The following AFG3L2 variants were observed in gnomAD, a reference collection of about 807,000 sequenced individuals.
AFG3L2 encodes mitochondrial inner membrane m-AAA protease component AFG3L2.
A neutral mutation model predicts 94.5 loss-of-function variants in AFG3L2; 54 were observed. That is an observed-to-expected ratio of 0.57 (90% confidence interval 0.46 to 0.72). AFG3L2 has a LOEUF of 0.72. Among genes scored for constraint, AFG3L2 ranks in the 30% least tolerant of loss-of-function variants. The pLI is 0.00. For synonymous variants in AFG3L2, 377 were observed against 365.5 expected (o/e 1.03, Z -0.36); for missense variants, 754 against 994.9 (o/e 0.76, Z 3.26).
At position 12,371,645 on chromosome 18, in the gene AFG3L2, A is replaced by C. The variant is rs2143234608; in HGVS notation, c.161T>G (p.Leu54Arg). 1.2e-6 allele frequency: 2 copies of C among 1,614,146 alleles called. No homozygotes were observed. The highest frequency in any genetic ancestry group is 1.7e-6 in the Non-Finnish European group (2 of 1,180,030). ...ATAAGCAGCAATTATATCTGTCAAA[A>C]GAGAATTTCTGCTGGCCCTTGCTTG... ...TTQARASRNSLLTDIIAAYQR... is the reference protein window; with the variant it reads ...TTQARASRNSRLTDIIAAYQR... Residue 54 changes from leucine (L) to arginine (R), a missense_variant, in exon 2 of 17, where the codon CTT becomes CGT. Coordinates refer to ENST00000269143, the MANE Select transcript of AFG3L2 (RefSeq NM_006796.3).
chr18:12,372,404 T>C (rs540931681), intron 1 of AFG3L2, among the ~76,000 whole-genome samples: 2 of 152,198 alleles, frequency 1.3e-5, no homozygotes, highest in Non-Finnish European at 2.9e-5. Context: ...TGGGTGAGGA[T>C]GTGAGAAACT....
intron 9 of AFG3L2, among the ~76,000 whole-genome samples, chr18:12,354,957 G>A (rs1299583784): frequency 2.0e-5 from 3 of 152,200 alleles, no homozygotes; most frequent in African/African-American, 4.8e-5. Context: ...GCTCACGCCT[G>A]TAATCCCAGC....
chr18:12,340,880 ACC>A (rs1907929152), intron 14 of AFG3L2: 1 of 159,030 alleles, frequency 6.3e-6, no homozygotes, highest in Non-Finnish European at 1.4e-5. Context: ...GGCGTGAGCT[ACC>A]ACGTCCAGCT....
At chr18:12,371,965 G>A (rs1336649210) in intron 1 of AFG3L2, among the ~76,000 whole-genome samples, 2 of 152,182 alleles carry the variant, frequency 1.3e-5, no homozygotes, top group Non-Finnish European at 2.9e-5. Flanking sequence ...ATAATTATGT[G>A]ACAACACATT....
intron 14 of AFG3L2, chr18:12,342,897 AT>A: frequency 6.6e-6 from 1 of 152,226 alleles, no homozygotes; most frequent in South Asian, 2.1e-4. Flanking sequence ...CTACACTCTC[AT>A]CACTGTAGCT....
rs557956595 is a variant in AFG3L2, at chr18:12,367,693, T to A, written c.293-311A>T. Among the ~76,000 whole-genome samples, 10 of 152,316 alleles carry A rather than the reference T, an allele frequency of 6.6e-5. No homozygotes were observed. In the East Asian group the frequency reaches 1.9e-3, roughly 29 times the overall value. On this transcript the variant is annotated intron_variant, in intron 3 of 16. Coordinates refer to ENST00000269143, the MANE Select transcript of AFG3L2 (RefSeq NM_006796.3). The stretch of plus-strand genomic sequence containing the variant: ...AAGTAACTTGTTGGATGGGTGGCAG[T>A]GTTAGGGGACAGTGAATAAGTCACA...
At chr18:12,347,030 G>A (rs558451304) in intron 13 of AFG3L2, among the ~76,000 whole-genome samples, 29 of 151,892 alleles carry the variant, frequency 1.9e-4, no homozygotes, top group Non-Finnish European at 2.9e-4. Context: ...GCAGCTACTC[G>A]GAAAGCTGTT....
At position 12,377,148 on chromosome 18, in the gene AFG3L2, C is replaced by T; in HGVS notation, c.-66G>A. 1.6e-6 allele frequency: 2 copies of T among 1,234,858 alleles called. No homozygotes were observed. Among genetic ancestry groups the T allele is most frequent in the East Asian group, 7.2e-5 (2 of 27,898 alleles). 76.5% of individuals were successfully genotyped at this position (1,234,858 alleles called of 1,614,324 possible). On this transcript the variant is annotated 5_prime_UTR_variant, in exon 1 of 17. Transcript: ENST00000269143. ...GCGCGGGCAGGCGACGACTGGCGGC[C>T]TCGGGAAGCGGGCTCGGCTCGGGGA...
At position 12,371,715 on chromosome 18, in the gene AFG3L2, A is replaced by G. The variant is rs558851413; in HGVS notation, c.115-24T>C. The G allele has an allele frequency of 3.1e-6, 5 of 1,594,970 alleles. No homozygotes were observed. In the East Asian group the frequency reaches 6.7e-5, roughly 21 times the overall value. Reference sequence around the variant, plus strand: ...AGCTGCAACAAGACATAAAAATAAAACCATAGTTATATCAAGATAAAAAAC... The same window carrying G: ...AGCTGCAACAAGACATAAAAATAAAGCCATAGTTATATCAAGATAAAAAAC... On this transcript the variant is annotated intron_variant, in intron 1 of 16. Coordinates refer to ENST00000269143, the MANE Select transcript of AFG3L2 (RefSeq NM_006796.3).
chr18:12,342,905 A>T (rs1308632624), intron 14 of AFG3L2: 2 of 152,116 alleles, frequency 1.3e-5, no homozygotes, highest in Non-Finnish European at 2.9e-5. Flanking sequence ...TCATCACTGT[A>T]GCTGCACAGT....
At chr18:12,361,987 A>C in intron 6 of AFG3L2, among the ~76,000 whole-genome samples, 1 of 152,398 alleles carries the variant, frequency 6.6e-6, no homozygotes, top group South Asian at 2.1e-4. Context: ...ACCCAGGACC[A>C]GCAGCATAGT....
chr18:12,350,540 A>C (rs1201960272), intron 12 of AFG3L2, among the ~76,000 whole-genome samples: 1 of 152,254 alleles, frequency 6.6e-6, no homozygotes, highest in Admixed American at 6.5e-5. Flanking sequence ...TATAGATAAA[A>C]GTAAGGTCAG....
At chr18:12,365,362 C>G (rs1598836921) in intron 5 of AFG3L2, among the ~76,000 whole-genome samples, 1 of 152,202 alleles carries the variant, frequency 6.6e-6, no homozygotes, top group South Asian at 2.1e-4. Flanking sequence ...ACCACTGCTT[C>G]TGAGCAGCTT....
Position 12,344,252 on chromosome 18 carries a change from C to G in AFG3L2, c.1664-5G>C, listed in dbSNP as rs886053615. The G allele has an allele frequency of 6.2e-7, 1 of 1,610,890 alleles. No individual in the cohort carries two copies. Among genetic ancestry groups the G allele is most frequent in the Non-Finnish European group, 8.5e-7 (1 of 1,177,116 alleles). On this transcript the variant is annotated splice_polypyrimidine_tract_variant and splice_region_variant and intron_variant, in intron 13 of 16. Coordinates refer to ENST00000269143, the MANE Select transcript of AFG3L2 (RefSeq NM_006796.3). The stretch of plus-strand genomic sequence containing the variant: ...CCTGCGTTTTCTTCTCTAAGCCTAA[C>G]AAAATAACAACAAAAAAACCCAAGC...
rs1382874892 is a variant in AFG3L2 at position 12,340,354 on chromosome 18, T to G, written c.1827A>C (p.Leu609Phe). The change falls in exon 15 of 17, where the codon TTA becomes TTC. Residue 609 changes from leucine (L) to phenylalanine (F), a missense_variant. Around this residue, in one of 4 missense-constraint regions of AFG3L2, gnomAD observed 279 missense variants for 378.6 expected, o/e 0.74. Coordinates refer to ENST00000269143, the MANE Select transcript of AFG3L2 (RefSeq NM_006796.3). ...RGKGLGYAQYLPKEQYLYTKE... is the reference protein window; with the variant it reads ...RGKGLGYAQYFPKEQYLYTKE... ...TGGTATAGAGGTATTGTTCTTTTGG[T>G]AAATACTGAGCATAACCTAGTCCTT... 1 of 1,614,198 alleles carries G rather than the reference T, an allele frequency of 6.2e-7. No individual in the cohort carries two copies. The highest frequency in any genetic ancestry group is 1.1e-5 in the South Asian group (1 of 91,076).
At chr18:12,339,389 C>A (rs915415212) in intron 15 of AFG3L2, among the ~76,000 whole-genome samples, 3 of 151,510 alleles carry the variant, frequency 2.0e-5, no homozygotes, top group Non-Finnish European at 2.9e-5. Context: ...CCCGTCTCTA[C>A]TAAAAATACA....
intron 15 of AFG3L2, among the ~76,000 whole-genome samples, chr18:12,339,187 G>A (rs1022858840): frequency 4.3e-5 from 6 of 139,042 alleles, no homozygotes; most frequent in African/African-American, 1.7e-4. Context: ...CTTGCAGTGT[G>A]CCCAGATGGC....
chr18:12,344,021 T>C, intron 14 of AFG3L2, 111 bp downstream of exon 14: 1 of 981,572 alleles, frequency 1.0e-6, no homozygotes, highest in Non-Finnish European at 1.6e-6. Context: ...AAGTTTTGGC[T>C]AAAGCCTTGT....
intron 13 of AFG3L2, 81 bp from the exon 14 acceptor site, chr18:12,344,328 T>C (rs1000270201): frequency 6.9e-6 from 8 of 1,160,070 alleles, no homozygotes; most frequent in African/African-American, 6.0e-5. Flanking sequence ...GTGCTATACA[T>C]TGCCTTACCT....
Sources: gnomAD v4.1 joint callset for allele counts (sites outside exome capture counted in the v4.1 genomes callset) on GRCh38, gnomAD v4.1.1 for gene constraint, gnomAD v4.1.1 regional missense constraint, MANE v1.5 for transcripts, NCBI Gene and HGNC (gene_info 2026-07-23, HGNC 2026-07-21) for gene names.